The following RANBP2 variants were observed in gnomAD, a reference collection of about 807,000 sequenced individuals.
RANBP2 encodes E3 SUMO-protein ligase RanBP2.
Under a neutral mutation model 303.6 loss-of-function variants are expected in RANBP2, and 57 were observed. The ratio of observed to expected loss-of-function variants is 0.19; its 90% CI spans 0.15 to 0.23. RANBP2 has a LOEUF of 0.23. Ranked by LOEUF, RANBP2 falls within the 10% of genes least tolerant of loss-of-function variation. The probability of loss-of-function intolerance (pLI) is 1.00; values close to 1 mark genes in which losing one functional copy is unlikely to be tolerated. For missense variants in RANBP2, 3,138 were observed against 3,780.8 expected (o/e 0.83, Z 4.46); for synonymous variants, 1,167 against 1,301.5 (o/e 0.90, Z 2.23).
chr2:109,013,952 A>G, the RANBP2 span, among the ~76,000 whole-genome samples: 1 of 152,148 alleles, frequency 6.6e-6, no homozygotes, highest in East Asian at 1.9e-4. Flanking sequence ...TTGAAAGTAA[A>G]TTACAGTTAT....
chr2:109,555,037 G>T, the RANBP2 span, among the ~76,000 whole-genome samples: 1 of 152,036 alleles, frequency 6.6e-6, no homozygotes, highest in African/African-American at 2.4e-5. Flanking sequence ...CCTGATCTTT[G>T]TGATTTTCTG....
At chr2:109,226,665 A>G in the RANBP2 span, among the ~76,000 whole-genome samples, 6,545 of 152,170 alleles carry the variant, frequency 0.043, 457 homozygotes, top group African/African-American at 0.15. Context: ...TCCCGGGGCC[A>G]TGCATCTGCT....
the RANBP2 span, among the ~76,000 whole-genome samples, chr2:109,015,706 C>T: frequency 6.6e-6 from 1 of 151,748 alleles, no homozygotes; most frequent in Admixed American, 6.6e-5. Context: ...TGCAGTGAGC[C>T]GAGATCATGT....
the RANBP2 span, among the ~76,000 whole-genome samples, chr2:109,556,955 G>C: frequency 6.6e-6 from 1 of 152,088 alleles, no homozygotes; most frequent in African/African-American, 2.4e-5. Context: ...CTCACTCATA[G>C]ATGGGAATTC....
At chr2:109,444,111 C>T in the RANBP2 span, among the ~76,000 whole-genome samples, 2 of 152,068 alleles carry the variant, frequency 1.3e-5, no homozygotes, top group Non-Finnish European at 2.9e-5. Context: ...ATTTGATATA[C>T]TCAAATATTT....
the RANBP2 span, among the ~76,000 whole-genome samples, chr2:109,513,646 A>G: frequency 2.4e-4 from 36 of 152,206 alleles, no homozygotes; most frequent in Admixed American, 2.4e-3. Context: ...ACATTTGCAC[A>G]CACACCCTTC....
chr2:109,023,517 G>A, the RANBP2 span, among the ~76,000 whole-genome samples: 1 of 152,160 alleles, frequency 6.6e-6, no homozygotes, highest in East Asian at 1.9e-4. Context: ...ACTGTTAAAA[G>A]TCAGCCTGGG....
chr2:109,383,386 G>A, the RANBP2 span, among the ~76,000 whole-genome samples: 649 of 152,272 alleles, frequency 4.3e-3, 3 homozygotes, highest in African/African-American at 0.014. Context: ...TACAGGTCTC[G>A]GTTGCTGTTG....
chr2:109,514,536 C>G, the RANBP2 span, among the ~76,000 whole-genome samples: 3,625 of 152,284 alleles, frequency 0.024, 148 homozygotes, highest in African/African-American at 0.083. Flanking sequence ...GCAGGCCAGG[C>G]GGGATGCCGC....
At chr2:109,168,649 A>T in the RANBP2 span, among the ~76,000 whole-genome samples, 1 of 137,022 alleles carries the variant, frequency 7.3e-6, no homozygotes, top group Non-Finnish European at 1.6e-5. Flanking sequence ...ATGGACTGGC[A>T]GCTGCTCAAA....
chr2:108,746,208 CTTTTTTTTTT>C (rs35544546), intron 7 of RANBP2, among the ~76,000 whole-genome samples: 1 of 90,564 alleles, frequency 1.1e-5, no homozygotes, highest in African/African-American at 5.4e-5. Context: ...ATGTCTGGCC[CTTTTTTTTTT>C]TTTTTTTTTT....
the RANBP2 span, chr2:108,882,658 C>G: frequency 1.3e-5 from 2 of 152,304 alleles, no homozygotes; most frequent in Non-Finnish European, 2.9e-5. Flanking sequence ...TTCCCATCCC[C>G]TTTCCTTTTC....
the RANBP2 span, chr2:108,873,386 A>G: frequency 7.3e-7 from 1 of 1,373,242 alleles, no homozygotes; most frequent in Non-Finnish European, 9.6e-7. Flanking sequence ...TTCTGATTTT[A>G]ATTTGTTTTT....
In RANBP2 at chr2:108,766,068, T is replaced by C. The variant is rs757779234; in HGVS notation, c.5529T>C (p.Ser1843=). The change falls in exon 20 of 29, where the codon AGT becomes AGC. Residue 1843 remains serine, a synonymous_variant. Coordinates refer to ENST00000283195, the MANE Select transcript of RANBP2 (RefSeq NM_006267.5). ...GTCAGGTGGGAACAGGATTTAAAAG[T>C]AATTTCTCAGAAAAAGCTTCTAAGT... ...SGSQVGTGFK[S]NFSEKASKFG... 1.5e-5 allele frequency: 25 copies of C among 1,614,168 alleles called. 1 individual carries two copies. The South Asian group carries it at 2.6e-4, about 17-fold the overall frequency.
chr2:109,078,102 A>ATATATATATATATGGCG, the RANBP2 span, among the ~76,000 whole-genome samples: 204 of 90,116 alleles, frequency 2.3e-3, 6 homozygotes, highest in Middle Eastern at 5.0e-3. Flanking sequence ...ATATATATAT[A>ATATATATATATATGGCG]TATATATATA....
the RANBP2 span, chr2:109,545,467 T>C: frequency 6.5e-7 from 1 of 1,536,190 alleles, no homozygotes; most frequent in Admixed American, 2.0e-5. Flanking sequence ...TACCTTTCTC[T>C]GCGTCTTTAC....
chr2:108,927,038 T>C, the RANBP2 span, among the ~76,000 whole-genome samples: 1 of 152,110 alleles, frequency 6.6e-6, no homozygotes, highest in East Asian at 1.9e-4. Flanking sequence ...GATTCGGAGG[T>C]GAGGCGGGGG....
the RANBP2 span, among the ~76,000 whole-genome samples, chr2:108,961,208 A>C: frequency 6.6e-6 from 1 of 152,178 alleles, no homozygotes; most frequent in Non-Finnish European, 1.5e-5. Context: ...AAGAAGACTG[A>C]CCATAATTTT....
the RANBP2 span, among the ~76,000 whole-genome samples, chr2:109,685,605 G>T: frequency 2.0e-5 from 3 of 152,220 alleles, no homozygotes; most frequent in East Asian, 5.8e-4. Flanking sequence ...CCCCTGCACG[G>T]CCTGGTGGAC....
Sources: gnomAD v4.1 joint callset for allele counts (sites outside exome capture counted in the v4.1 genomes callset) on GRCh38, gnomAD v4.1.1 for gene constraint, MANE v1.5 for transcripts, NCBI Gene and HGNC (gene_info 2026-07-23, HGNC 2026-07-21) for gene names.